The following GSPT1 variants were observed in gnomAD, a reference collection of about 807,000 sequenced individuals.
GSPT1 encodes G1 to S phase transition 1, also known as eukaryotic peptide chain release factor GTP-binding subunit ERF3A.
GSPT1 carries 20 observed loss-of-function variants against 72.5 expected under a neutral mutation model. The ratio of observed to expected loss-of-function variants is 0.28; its 90% CI spans 0.19 to 0.40. The LOEUF (loss-of-function observed/expected upper bound fraction) is 0.40, where lower values mean the gene tolerates loss of function less well. GSPT1 is among the 10% of genes least tolerant of loss of function. GSPT1 has a pLI of 1.00. For synonymous variants in GSPT1, 334 were observed against 293.5 expected (o/e 1.14, Z -1.41); for missense variants, 580 against 811.9 (o/e 0.71, Z 3.47).
intron 1 of GSPT1, among the ~76,000 whole-genome samples, chr16:11,909,205 C>T (rs918605695): frequency 1.1e-4 from 16 of 146,562 alleles, no homozygotes; most frequent in Non-Finnish European, 1.2e-4. Flanking sequence ...GTGTTCTTCT[C>T]TCTTTGAAAG....
intron 7 of GSPT1, 134 bp downstream of exon 7, chr16:11,887,436 T>C: frequency 1.4e-6 from 1 of 696,072 alleles, no homozygotes; most frequent in Non-Finnish European, 2.4e-6. Context: ...ATTAGTATGA[T>C]GAAAACTGTG....
At chr16:11,915,214 T>A (rs2054616285) in intron 1 of GSPT1, 155 bp downstream of exon 1, 1 of 1,107,066 alleles carries the variant, frequency 9.0e-7, no homozygotes, top group Non-Finnish European at 1.1e-6. Context: ...GAAGGCCGGC[T>A]CCCGGGCTCG....
intron 11 of GSPT1, among the ~76,000 whole-genome samples, chr16:11,880,700 G>A (rs2054111289): frequency 6.6e-6 from 1 of 152,128 alleles, no homozygotes; most frequent in Admixed American, 6.6e-5. Flanking sequence ...TTGGCTGTTT[G>A]TACATCTTCT....
chr16:11,899,846 A>G (rs909795265), intron 1 of GSPT1, among the ~76,000 whole-genome samples: 2 of 152,138 alleles, frequency 1.3e-5, no homozygotes, highest in Non-Finnish European at 2.9e-5. Flanking sequence ...CTCCTGGCTT[A>G]TTACAAGCTG....
At chr16:11,911,772 G>A (rs1263552376) in intron 1 of GSPT1, among the ~76,000 whole-genome samples, 1 of 148,262 alleles carries the variant, frequency 6.7e-6, no homozygotes, top group Non-Finnish European at 1.5e-5. Context: ...GGCTGGTCTC[G>A]AACTCCTGAC....
chr16:11,902,546 C>T (rs934854826), intron 1 of GSPT1, among the ~76,000 whole-genome samples: 1 of 151,460 alleles, frequency 6.6e-6, no homozygotes, highest in Non-Finnish European at 1.5e-5. Context: ...AACAGCAGAA[C>T]ACCAGTACTG....
At chr16:11,888,055 T>C (rs768705406) in intron 6 of GSPT1, among the ~76,000 whole-genome samples, 1 of 152,154 alleles carries the variant, frequency 6.6e-6, no homozygotes, top group Non-Finnish European at 1.5e-5. Context: ...CTTAGGAGAC[T>C]GAGGCAGGAG....
intron 5 of GSPT1, among the ~76,000 whole-genome samples, chr16:11,894,352 T>C (rs1181559850): frequency 6.6e-6 from 1 of 152,006 alleles, no homozygotes; most frequent in East Asian, 1.9e-4. Context: ...GCCACGGTCA[T>C]TTCATACCTA....
chr16:11,905,340 T>C (rs1382570175), intron 1 of GSPT1, among the ~76,000 whole-genome samples: 1 of 152,234 alleles, frequency 6.6e-6, no homozygotes, highest in Non-Finnish European at 1.5e-5. Flanking sequence ...ATTTTAAATT[T>C]AATTTTAATA....
chr16:11,875,672 G>GT lies in GSPT1; in HGVS notation c.1861+88dup, dbSNP rs2054039217. 3 of 870,252 alleles carry GT rather than the reference G, an allele frequency of 3.4e-6. No individual in the cohort carries two copies. In the Admixed American group the frequency reaches 8.2e-5, roughly 24 times the overall value. 53.9% of individuals were successfully genotyped at this position (870,252 alleles called of 1,614,324 possible). A position where few individuals can be genotyped will look rare whatever the true frequency, so the allele number is the denominator to read the frequency against. ...GTGAATCGAAGTTTTCTGTGAACCT[G>GT]TTGCAATGTGTACTGTACTGAGATG... On this transcript the variant is annotated intron_variant, in intron 14 of 14. Coordinates refer to ENST00000434724, the MANE Select transcript of GSPT1 (RefSeq NM_002094.4).
At chr16:11,912,241 G>C (rs574291480) in intron 1 of GSPT1, among the ~76,000 whole-genome samples, 5 of 151,332 alleles carry the variant, frequency 3.3e-5, no homozygotes, top group South Asian at 2.1e-4. Flanking sequence ...CCAGCTACTC[G>C]GGAGGCTGAG....
intron 6 of GSPT1, 113 bp downstream of exon 6, chr16:11,890,949 G>A: frequency 1.6e-6 from 1 of 611,360 alleles, no homozygotes. Context: ...AATTTCCTTT[G>A]TTGTGATACG....
chr16:11,889,329 C>CTTTTTTT lies in GSPT1; in HGVS notation c.777-1586_777-1580dup, dbSNP rs902991145. Among the ~76,000 whole-genome samples, 45 of 60,074 alleles carry CTTTTTTT rather than the reference C, an allele frequency of 7.5e-4. 1 individual carries two copies. Among genetic ancestry groups the CTTTTTTT allele is most frequent in the South Asian group, 1.7e-3 (2 of 1,202 alleles). The allele number at this position is 60,074 out of a possible 152,430, so 39.4% of individuals were successfully genotyped here. A position where few individuals can be genotyped will look rare whatever the true frequency, so the allele number is the denominator to read the frequency against. ...GCCCGGCACCCCCACCCCTCTTCTTCTTTTTTTTTTTTTTTTTTTTTTTTT... is the reference window on the plus strand; with the variant it reads ...GCCCGGCACCCCCACCCCTCTTCTTCTTTTTTTTTTTTTTTTTTTTTTTTTTTTTTTT... On this transcript the variant is annotated intron_variant, in intron 6 of 14. Coordinates refer to ENST00000434724, the MANE Select transcript of GSPT1 (RefSeq NM_002094.4).
At chr16:11,893,307 T>C (rs2054293402) in intron 5 of GSPT1, among the ~76,000 whole-genome samples, 1 of 152,092 alleles carries the variant, frequency 6.6e-6, no homozygotes, top group Non-Finnish European at 1.5e-5. Flanking sequence ...TTATTTTTTA[T>C]AGAAATGAGG....
rs1161238344 is a variant in GSPT1, at chr16:11,915,689, C to CCGT, written c.31_32insACG (p.Gly10_Gly11insAsp). 1 of 1,488,244 alleles carries CCGT rather than the reference C, an allele frequency of 6.7e-7. No individual in the cohort carries two copies. Among genetic ancestry groups the CCGT allele is most frequent in the African/African-American group, 1.5e-5 (1 of 67,648 alleles). The allele number at this position is 1,488,244 out of a possible 1,614,324, so 92.2% of individuals were successfully genotyped here. Reference sequence around the variant, plus strand: ...GCTGCTGCTCCCGCCGCCGCCGCCGCCGCCGCCGCCGCCGCCACTGCCCGG... The same window carrying CCGT: ...GCTGCTGCTCCCGCCGCCGCCGCCGCCGTCGCCGCCGCCGCCGCCACTGCCCGG... On this transcript the variant is annotated inframe_insertion, in exon 1 of 15. Coordinates refer to ENST00000434724, the MANE Select transcript of GSPT1 (RefSeq NM_002094.4).
At chr16:11,904,138 G>A (rs1335745118) in intron 1 of GSPT1, 2 of 223,864 alleles carry the variant, frequency 8.9e-6, no homozygotes, top group South Asian at 8.4e-5. Context: ...CGGGAGCCAT[G>A]GTAGTTACTG....
chr16:11,901,018 A>C (rs563647152), intron 1 of GSPT1, among the ~76,000 whole-genome samples: 9 of 152,090 alleles, frequency 5.9e-5, no homozygotes, highest in South Asian at 2.1e-4. Context: ...AAAACAAAAA[A>C]CAAAAAACTG....
chr16:11,875,987 G>A, intron 13 of GSPT1, 58 bp from the exon 14 acceptor site: 1 of 1,523,292 alleles, frequency 6.6e-7, no homozygotes, highest in Non-Finnish European at 9.1e-7. Context: ...TAATCTTTAA[G>A]AACAGGTGTA....
intron 5 of GSPT1, among the ~76,000 whole-genome samples, chr16:11,892,521 AAC>A (rs1491449479): frequency 7.8e-6 from 1 of 127,686 alleles, no homozygotes; most frequent in African/African-American, 3.6e-5. Context: ...AAACAAAAAA[AAC>A]AAAAAAAACA....
Sources: gnomAD v4.1 joint callset for allele counts (sites outside exome capture counted in the v4.1 genomes callset) on GRCh38, gnomAD v4.1.1 for gene constraint, MANE v1.5 for transcripts, NCBI Gene and HGNC (gene_info 2026-07-23, HGNC 2026-07-21) for gene names.